MEI4: variants seen among roughly 807,000 people sequenced by gnomAD.
MEI4 encodes meiosis-specific protein MEI4.
A neutral mutation model predicts 31.4 loss-of-function variants in MEI4; 27 were observed. That is an observed-to-expected ratio of 0.86 (90% confidence interval 0.63 to 1.19). The LOEUF (loss-of-function observed/expected upper bound fraction) is 1.19, where lower values mean the gene tolerates loss of function less well. Among genes scored for constraint, MEI4 ranks in the 50% most tolerant of loss-of-function variants. The pLI is 0.00. For missense variants in MEI4, 329 were observed against 398.9 expected, an observed-to-expected ratio of 0.82 and a Z score of 1.49; for synonymous variants, 122 against 145.4, an observed-to-expected ratio of 0.84 and a Z score of 1.16.
intron 2 of MEI4, among the ~76,000 whole-genome samples, chr6:77,706,394 G>A (rs1401176849): frequency 6.6e-6 from 1 of 152,076 alleles, no homozygotes; most frequent in East Asian, 1.9e-4. Context: ...TTACCATTAG[G>A]TCATATCATT....
chr6:77,851,269 G>T (rs545933430), intron 4 of MEI4, among the ~76,000 whole-genome samples: 14 of 152,276 alleles, frequency 9.2e-5, no homozygotes, highest in Admixed American at 8.5e-4. Flanking sequence ...ATTTGATCCA[G>T]CCATCCCATT....
At chr6:77,871,547 A>G (rs9448239) in intron 4 of MEI4, among the ~76,000 whole-genome samples, 125,499 of 151,958 alleles carry the variant, frequency 0.83, 52,340 homozygotes, top group East Asian at 0.95. Flanking sequence ...GACTACTAGC[A>G]GGGAGAGAGG....
intron 4 of MEI4, among the ~76,000 whole-genome samples, chr6:77,890,658 G>A (rs996387976): frequency 6.6e-6 from 1 of 152,012 alleles, no homozygotes; most frequent in Non-Finnish European, 1.5e-5. Context: ...ATTATGAGGG[G>A]CTGGGGTGGA....
chr6:77,706,629 A>G (rs963033469), intron 2 of MEI4, among the ~76,000 whole-genome samples: 1 of 152,132 alleles, frequency 6.6e-6, no homozygotes, highest in Non-Finnish European at 1.5e-5. Context: ...TCAATGTTGG[A>G]GGTGGGCCTA....
intron 2 of MEI4, among the ~76,000 whole-genome samples, chr6:77,748,370 G>T (rs1334327370): frequency 6.6e-6 from 1 of 152,244 alleles, no homozygotes; most frequent in Non-Finnish European, 1.5e-5. Context: ...TGCAACTGCA[G>T]GCCCAACACC....
chr6:77,766,161 G>C (rs1768170233), intron 3 of MEI4, among the ~76,000 whole-genome samples: 1 of 152,070 alleles, frequency 6.6e-6, no homozygotes, highest in Non-Finnish European at 1.5e-5. Flanking sequence ...AGGGAATAGT[G>C]GATATTTTTC....
intron 3 of MEI4, among the ~76,000 whole-genome samples, chr6:77,794,321 T>C (rs922591497): frequency 6.6e-6 from 1 of 152,146 alleles, no homozygotes; most frequent in Non-Finnish European, 1.5e-5. Flanking sequence ...CCCAGCACTT[T>C]GGGAGGCCGA....
At position 77,761,134 on chromosome 6, in the gene MEI4, C is replaced by T. The variant is rs1768034391; in HGVS notation, c.237C>T (p.Tyr79=). The part of the protein sequence containing the change: ...RLCSGSFKSG[Y]VSSQLEAQEP... ...TTCTATTCCTTTATTTTTCAGGATA[C>T]GTTTCCTCCCAGTTGGAGGCTCAGG... The change falls in exon 3 of 5, where the codon TAC becomes TAT. Residue 79 remains tyrosine, a synonymous_variant. Coordinates refer to ENST00000684080, the MANE Select transcript of MEI4 (RefSeq NM_001322247.2). 6.5e-6 allele frequency: 8 copies of T among 1,231,768 alleles called. No homozygotes were observed. The South Asian group carries it at 2.1e-4, about 32-fold the overall frequency. 76.3% of individuals were successfully genotyped at this position (1,231,768 alleles called of 1,614,324 possible). A position where few individuals can be genotyped will look rare whatever the true frequency, so the allele number is the denominator to read the frequency against.
At chr6:77,768,243 AT>A (rs922391866) in intron 3 of MEI4, among the ~76,000 whole-genome samples, 2 of 151,582 alleles carry the variant, frequency 1.3e-5, no homozygotes, top group East Asian at 1.9e-4. Flanking sequence ...AGTTTTCTAG[AT>A]TTTTTTTTCC....
chr6:77,746,265 C>T (rs1475101659), intron 2 of MEI4, among the ~76,000 whole-genome samples: 2 of 152,102 alleles, frequency 1.3e-5, no homozygotes, highest in Non-Finnish European at 2.9e-5. Flanking sequence ...ATCAAATAGA[C>T]ACATTCTGTG....
At chr6:77,730,342 C>G (rs1766944313) in intron 2 of MEI4, among the ~76,000 whole-genome samples, 1 of 152,110 alleles carries the variant, frequency 6.6e-6, no homozygotes, top group African/African-American at 2.4e-5. Flanking sequence ...TGACCTTATT[C>G]TATAGGGCTG....
chr6:77,750,216 C>T (rs537187790), intron 2 of MEI4, among the ~76,000 whole-genome samples: 18 of 152,200 alleles, frequency 1.2e-4, no homozygotes, highest in South Asian at 4.2e-4. Context: ...CATCAACTAA[C>T]GGGCAAAAGA....
chr6:77,850,380 A>C (rs1770586950), intron 4 of MEI4, among the ~76,000 whole-genome samples: 1 of 152,184 alleles, frequency 6.6e-6, no homozygotes, highest in African/African-American at 2.4e-5. Flanking sequence ...CCTGACTTCA[A>C]ACTTATACTA....
At chr6:77,788,677 C>T (rs1332296165) in intron 3 of MEI4, among the ~76,000 whole-genome samples, 2 of 152,088 alleles carry the variant, frequency 1.3e-5, no homozygotes, top group South Asian at 2.1e-4. Flanking sequence ...AATAAAATAC[C>T]TAGGAATCCA....
At chr6:77,917,006 T>C (rs1019496951) in intron 4 of MEI4, among the ~76,000 whole-genome samples, 6 of 146,766 alleles carry the variant, frequency 4.1e-5, no homozygotes, top group Non-Finnish European at 8.9e-5. Flanking sequence ...CACCTATGAG[T>C]GAGAATATGC....
Position 77,816,898 on chromosome 6 carries a change from T to G in MEI4, c.769-12033T>G, listed in dbSNP as rs58220043. On this transcript the variant is annotated intron_variant, in intron 3 of 4. Coordinates refer to ENST00000684080, the MANE Select transcript of MEI4 (RefSeq NM_001322247.2). ...TGCAATATAAATATTCTTTAGTAACTTGCAGGGCTTTGCGCAATGTTGTAT... is the reference window on the plus strand; with the variant it reads ...TGCAATATAAATATTCTTTAGTAACGTGCAGGGCTTTGCGCAATGTTGTAT... Among the ~76,000 whole-genome samples the G allele has an allele frequency of 9.1e-3, 1,391 of 152,288 alleles. 17 individuals carry two copies. The highest frequency in any genetic ancestry group is 0.031 in the African/African-American group (1,287 of 41,562).
At chr6:77,735,776 T>C (rs914009435) in intron 2 of MEI4, among the ~76,000 whole-genome samples, 1 of 152,100 alleles carries the variant, frequency 6.6e-6, no homozygotes. Flanking sequence ...TATCTATTTT[T>C]GGTCTTTGAT....
At chr6:77,910,925 GTTTT>G (rs58959367) in intron 4 of MEI4, among the ~76,000 whole-genome samples, 1 of 120,556 alleles carries the variant, frequency 8.3e-6, no homozygotes, top group Non-Finnish European at 1.7e-5. Context: ...CCAGCTTCTG[GTTTT>G]TTTTTTTTTT....
intron 1 of MEI4, among the ~76,000 whole-genome samples, chr6:77,679,509 A>G (rs1768912067): frequency 1.9e-4 from 4 of 21,008 alleles, no homozygotes; most frequent in African/African-American, 9.8e-4. Flanking sequence ...TGGTGTTCAC[A>G]CAGTTATGAA....
Sources: allele counts gnomAD v4.1 joint callset (sites outside exome capture counted in the v4.1 genomes callset), GRCh38; gene constraint gnomAD v4.1.1; transcripts MANE v1.5; gene names NCBI Gene and HGNC (gene_info 2026-07-23, HGNC 2026-07-21).